Variants in FAM217B observed in about 807,000 individuals in gnomAD.
FAM217B encodes the protein protein FAM217B.
For missense variants in FAM217B, 463 were observed against 456.9 expected, an observed-to-expected ratio of 1.01 and a Z score of -0.12; for synonymous variants, 163 against 173.0, an observed-to-expected ratio of 0.94 and a Z score of 0.45.
chr20:59,938,401 A>G (rs190171257), upstream of FAM217B: 1 of 152,366 alleles, frequency 6.6e-6, no homozygotes, highest in East Asian at 1.9e-4. Context: ...GATGACTGAT[A>G]AAGCAGAAAT....
chr20:59,939,942 G>T, upstream of FAM217B: 1 of 1,265,030 alleles, frequency 7.9e-7, no homozygotes, highest in African/African-American at 1.5e-5. Context: ...GGCCCCGCCG[G>T]CCGTCGGAAG....
At chr20:59,936,337 G>C (rs1337837583), upstream of FAM217B, among the ~76,000 whole-genome samples, 1 of 152,190 alleles carries the variant, frequency 6.6e-6, no homozygotes. Context: ...TTGTCTACCA[G>C]GTAGCATAAC....
rs189650523 is a variant in FAM217B, at chr20:59,944,887, C to G, written c.944C>G (p.Ser315Cys). 2 of 1,614,046 alleles carry G rather than the reference C, an allele frequency of 1.2e-6. No individual in the cohort carries two copies. Among genetic ancestry groups the G allele is most frequent in the Non-Finnish European group, 8.5e-7 (1 of 1,180,032 alleles). Reference sequence around the variant, plus strand: ...GATCTGTCCGGCAGTGGAAGCAGCTCTAAGGTGGAAACCAGCGGTCACATT... The same window carrying G: ...GATCTGTCCGGCAGTGGAAGCAGCTGTAAGGTGGAAACCAGCGGTCACATT... ...RWDLSGSGSS[S>C]KVETSGHIRV... The change falls in exon 4 of 4, where the codon TCT becomes TGT. Residue 315 changes from serine (S) to cysteine (C), a missense_variant. Physicochemically the swap from Ser to Cys is moderately radical, Grantham distance 112 (BLOSUM62 -1). Transcript: ENST00000360816.
upstream of FAM217B, chr20:59,940,345 C>G (rs2060894587): frequency 6.4e-6 from 1 of 156,618 alleles, no homozygotes; most frequent in South Asian, 2.1e-4. Flanking sequence ...AGCCTCCGCC[C>G]CGCCCCTCGT....
upstream of FAM217B, among the ~76,000 whole-genome samples, chr20:59,936,067 C>T (rs535348734): frequency 6.6e-6 from 1 of 152,322 alleles, no homozygotes; most frequent in South Asian, 2.1e-4. Flanking sequence ...GCCTACTACA[C>T]ACCTCAGGTA....
upstream of FAM217B, chr20:59,939,211 G>C (rs1489259362): frequency 1.2e-6 from 2 of 1,610,412 alleles, no homozygotes; most frequent in Admixed American, 1.7e-5. Flanking sequence ...GGCGGTACTG[G>C]AAAGCCGAAG....
upstream of FAM217B, chr20:59,940,046 G>A: frequency 1.1e-6 from 1 of 876,668 alleles, no homozygotes; most frequent in South Asian, 6.1e-5. Flanking sequence ...CAACCTGCGG[G>A]GGACCTCTCG....
At chr20:59,939,008 C>A, upstream of FAM217B, 1 of 1,491,192 alleles carries the variant, frequency 6.7e-7, no homozygotes, top group South Asian at 1.3e-5. Context: ...TGTGGAGGCT[C>A]CAGGTGGCCG....
chr20:59,943,514 G>T (rs917221762), intron 3 of FAM217B, among the ~76,000 whole-genome samples: 4 of 152,094 alleles, frequency 2.6e-5, no homozygotes, highest in Non-Finnish European at 5.9e-5. Flanking sequence ...TAAAATAGGT[G>T]TATAAAATAA....
rs2060930991 is a variant in FAM217B, at chr20:59,945,325, T to C, written c.*230T>C. ...CAGTCTTAGGCAAATGAGAGCCCTT[T>C]AGATAAAAATTATGTAAAATATGTG... On this transcript the variant is annotated 3_prime_UTR_variant, in exon 4 of 4. Coordinates refer to ENST00000360816, the MANE Select transcript of FAM217B (RefSeq NM_022106.3). The C allele has an allele frequency of 1.7e-5, 7 of 416,482 alleles. No homozygotes were observed. The South Asian group carries it at 2.5e-4, about 15-fold the overall frequency. 25.8% of individuals were successfully genotyped at this position (416,482 alleles called of 1,614,324 possible).
upstream of FAM217B, chr20:59,939,052 T>C (rs1218592345): frequency 1.9e-6 from 3 of 1,543,242 alleles, no homozygotes; most frequent in Non-Finnish European, 2.6e-6. Flanking sequence ...TGGATCCAGC[T>C]CTCTTCGCAC....
chr20:59,934,666 T>C (rs1370273323), intron 1 of FAM217B, among the ~76,000 whole-genome samples: 2 of 152,238 alleles, frequency 1.3e-5, no homozygotes, highest in Non-Finnish European at 2.9e-5. Flanking sequence ...AGTTGAATTG[T>C]ATGTGTAGTT....
Position 59,944,006 on chromosome 20 carries a change from G to C in FAM217B, c.63G>C (p.Gln21His), listed in dbSNP as rs1569008131. ...QHSKNSSGKRQSKSQVPHASS... is the reference protein window; with the variant it reads ...QHSKNSSGKRHSKSQVPHASS... ...CAAAGAATTCTTCAGGAAAAAGGCA[G>C]AGTAAATCCCAAGTACCCCACGCTT... Residue 21 changes from glutamine (Q) to histidine (H), a missense_variant, in exon 4 of 4, where the codon CAG (glutamine) becomes CAC (histidine). By Grantham distance (24) the Gln-to-His change is conservative. Transcript: ENST00000360816. 1 of 1,613,870 alleles carries C rather than the reference G, an allele frequency of 6.2e-7. No individual in the cohort carries two copies. The highest frequency in any genetic ancestry group is 2.2e-5 in the East Asian group (1 of 44,884).
Position 59,944,760 on chromosome 20 carries a change from G to A in FAM217B, c.817G>A (p.Val273Met), listed in dbSNP as rs756204183. 28 of 1,614,198 alleles carry A rather than the reference G, an allele frequency of 1.7e-5. No homozygotes were observed. The East Asian group carries it at 5.3e-4, about 31-fold the overall frequency. The change falls in exon 4 of 4, where the codon GTG (valine) becomes ATG (methionine). Residue 273 changes from valine (V) to methionine (M), a missense_variant. Coordinates refer to ENST00000360816, the MANE Select transcript of FAM217B (RefSeq NM_022106.3). ...AFETSPRPIDVLGGTRFCSQR... is the reference protein window; with the variant it reads ...AFETSPRPIDMLGGTRFCSQR... Reference sequence around the variant, plus strand: ...TGAGACTTCCCCTAGACCCATTGATGTGCTTGGTGGTACCAGGTTTTGTTC... The same window carrying A: ...TGAGACTTCCCCTAGACCCATTGATATGCTTGGTGGTACCAGGTTTTGTTC...
rs769327359 is a variant in FAM217B at position 59,944,725 on chromosome 20, A to G, written c.782A>G (p.His261Arg). ...AFHHEEIHPS[H>R]YAFETSPRPI... is the part of the protein sequence containing the mutation. The stretch of plus-strand genomic sequence containing the variant: ...CACCATGAAGAAATCCACCCATCAC[A>G]TTATGCATTTGAGACTTCCCCTAGA... Residue 261 changes from histidine to arginine, a missense_variant, in exon 4 of 4, where the codon CAT (histidine) becomes CGT (arginine). By Grantham distance (29) the His-to-Arg change is conservative. Coordinates refer to ENST00000360816, the MANE Select transcript of FAM217B (RefSeq NM_022106.3). 4 of 1,614,194 alleles carry G rather than the reference A, an allele frequency of 2.5e-6. No homozygotes were observed. Among genetic ancestry groups the G allele is most frequent in the South Asian group, 1.1e-5 (1 of 91,086 alleles).
upstream of FAM217B, among the ~76,000 whole-genome samples, chr20:59,935,849 T>C: frequency 6.6e-6 from 1 of 152,246 alleles, no homozygotes; most frequent in Admixed American, 6.5e-5. Context: ...TGCAATATTC[T>C]ATATGTCATA....
upstream of FAM217B, chr20:59,938,999 G>T (rs757463070): frequency 6.7e-7 from 1 of 1,486,872 alleles, no homozygotes; most frequent in South Asian, 1.4e-5. Context: ...CAGCTTAGGT[G>T]TGGAGGCTCC....
At chr20:59,939,334 A>G (rs1170980622), upstream of FAM217B, 1 of 1,611,520 alleles carries the variant, frequency 6.2e-7, no homozygotes, top group Admixed American at 1.7e-5. Flanking sequence ...TGCTTCTCGA[A>G]GGCCACGTTG....
rs2060945874 is a variant in FAM217B, at chr20:59,947,800, G to A, written c.*2705G>A. On this transcript the variant is annotated 3_prime_UTR_variant, in exon 4 of 4. Transcript: ENST00000360816. ...ATTTTAATTTTATGATATCTGATAT[G>A]CCTATCTAATACATCTTAATGCATT... The A allele has an allele frequency of 6.0e-6, 1 of 166,922 alleles. No individual in the cohort carries two copies. The highest frequency in any genetic ancestry group is 6.5e-5 in the Admixed American group (1 of 15,290). The allele number at this position is 166,922 out of a possible 1,614,324, so 10.3% of individuals were successfully genotyped here.
Sources: allele counts gnomAD v4.1 joint callset (sites outside exome capture counted in the v4.1 genomes callset), GRCh38; gene constraint gnomAD v4.1.1; transcripts MANE v1.5; gene names NCBI Gene and HGNC (gene_info 2026-07-23, HGNC 2026-07-21).